The following RSPO3 variants were observed in gnomAD, a reference collection of about 807,000 sequenced individuals.
The protein encoded by RSPO3 is R-spondin 3.
A neutral mutation model predicts 36.5 loss-of-function variants in RSPO3; 17 were observed. The observed-to-expected ratio is 0.47, with a 90% CI of 0.32 to 0.70. The LOEUF (loss-of-function observed/expected upper bound fraction) is 0.70. Ranked by LOEUF, RSPO3 falls within the 30% of genes least tolerant of loss-of-function variation. The pLI is 0.04. For missense variants in RSPO3, 294 were observed against 322.5 expected, an observed-to-expected ratio of 0.91 and a Z score of 0.68; for synonymous variants, 108 against 107.0, an observed-to-expected ratio of 1.01 and a Z score of -0.06.
chr6:127,145,939 T>C (rs1047119183), intron 1 of RSPO3, among the ~76,000 whole-genome samples: 1 of 152,096 alleles, frequency 6.6e-6, no homozygotes, highest in Admixed American at 6.6e-5. Context: ...AAAAGTAAAA[T>C]CTCTTGCCTT....
At chr6:127,181,491 G>A (rs1051231055) in intron 4 of RSPO3, among the ~76,000 whole-genome samples, 2 of 151,726 alleles carry the variant, frequency 1.3e-5, no homozygotes, top group African/African-American at 4.8e-5. Context: ...GTTTGTTAGG[G>A]TTGATTCACA....
At chr6:127,141,620 C>T (rs1371467762) in intron 1 of RSPO3, among the ~76,000 whole-genome samples, 1 of 152,172 alleles carries the variant, frequency 6.6e-6, no homozygotes, top group Non-Finnish European at 1.5e-5. Context: ...ACCAACTGGG[C>T]TGTATTCAGC....
At chr6:127,129,454 A>T (rs1207785060) in intron 1 of RSPO3, among the ~76,000 whole-genome samples, 1 of 152,010 alleles carries the variant, frequency 6.6e-6, no homozygotes, top group Admixed American at 6.6e-5. Context: ...ATGAGTCACT[A>T]GGCCAAATCC....
intron 4 of RSPO3, among the ~76,000 whole-genome samples, chr6:127,169,702 A>T (rs1432089076): frequency 6.6e-6 from 1 of 151,936 alleles, no homozygotes; most frequent in Non-Finnish European, 1.5e-5. Flanking sequence ...AGTGCATTAT[A>T]GTTTCCACTG....
chr6:127,127,553 C>A (rs1329240252), intron 1 of RSPO3, among the ~76,000 whole-genome samples: 1 of 151,954 alleles, frequency 6.6e-6, no homozygotes, highest in African/African-American at 2.4e-5. Context: ...AGTGCCAGAC[C>A]CTTTGCTTGA....
chr6:127,190,486 A>G (rs1241547182), intron 4 of RSPO3, among the ~76,000 whole-genome samples: 2 of 152,156 alleles, frequency 1.3e-5, no homozygotes, highest in African/African-American at 4.8e-5. Context: ...TTCTCTATAC[A>G]TAATAATCAG....
chr6:127,156,120 A>G (rs1774593788), intron 4 of RSPO3, among the ~76,000 whole-genome samples: 2 of 152,146 alleles, frequency 1.3e-5, no homozygotes, highest in Admixed American at 1.3e-4. Flanking sequence ...CATTTTATGA[A>G]TATAGCAAAA....
intron 4 of RSPO3, among the ~76,000 whole-genome samples, chr6:127,155,923 G>A (rs1017661619): frequency 2.0e-5 from 3 of 150,400 alleles, no homozygotes; most frequent in African/African-American, 7.4e-5. Context: ...TAAAATTAAA[G>A]ACAGAATATC....
chr6:127,172,994 T>C (rs963168721), intron 4 of RSPO3, among the ~76,000 whole-genome samples: 3 of 151,840 alleles, frequency 2.0e-5, no homozygotes, highest in Non-Finnish European at 4.4e-5. Flanking sequence ...GATCTTTCCA[T>C]TCTGTCTTTT....
At chr6:127,125,366 A>G (rs1475362931) in intron 1 of RSPO3, among the ~76,000 whole-genome samples, 1 of 152,190 alleles carries the variant, frequency 6.6e-6, no homozygotes, top group Non-Finnish European at 1.5e-5. Context: ...GTATGTTGGG[A>G]GAAGGTAGAC....
At chr6:127,173,441 A>G (rs895941081) in intron 4 of RSPO3, among the ~76,000 whole-genome samples, 3 of 151,920 alleles carry the variant, frequency 2.0e-5, no homozygotes, top group Non-Finnish European at 4.4e-5. Context: ...GCTTAAATAT[A>G]AATCCTAATA....
intron 4 of RSPO3, among the ~76,000 whole-genome samples, chr6:127,184,629 C>T (rs1775254124): frequency 6.6e-6 from 1 of 151,998 alleles, no homozygotes; most frequent in Admixed American, 6.6e-5. Context: ...TTCCTCAGGA[C>T]ATTCTGAAAG....
chr6:127,146,998 C>T (rs1774397388), intron 1 of RSPO3, among the ~76,000 whole-genome samples: 1 of 152,272 alleles, frequency 6.6e-6, no homozygotes, highest in Middle Eastern at 3.4e-3. Flanking sequence ...GTCCCCCAGG[C>T]CCTGTAATGT....
At position 127,197,247 on chromosome 6, in the gene RSPO3, A is replaced by G; in HGVS notation, c.*1240A>G. On this transcript the variant is annotated 3_prime_UTR_variant, in exon 5 of 5. Coordinates refer to ENST00000356698, the MANE Select transcript of RSPO3 (RefSeq NM_032784.5). Reference sequence around the variant, plus strand: ...ACTTATAGCGTATTAGGAGATATTTATTCCATTTTCTTATTTTAATCAACA... The same window carrying G: ...ACTTATAGCGTATTAGGAGATATTTGTTCCATTTTCTTATTTTAATCAACA... The G allele has an allele frequency of 2.8e-6, 2 of 719,204 alleles. No individual in the cohort carries two copies. Among genetic ancestry groups the G allele is most frequent in the Non-Finnish European group, 4.4e-6 (2 of 451,800 alleles). 44.6% of individuals were successfully genotyped at this position (719,204 alleles called of 1,614,324 possible). A position where few individuals can be genotyped will look rare whatever the true frequency, so the allele number is the denominator to read the frequency against.
chr6:127,141,346 T>C (rs940548804), intron 1 of RSPO3, among the ~76,000 whole-genome samples: 1 of 152,194 alleles, frequency 6.6e-6, no homozygotes, highest in African/African-American at 2.4e-5. Context: ...ATTTCATGAA[T>C]TCTACAGCTA....
intron 4 of RSPO3, among the ~76,000 whole-genome samples, chr6:127,159,678 T>C (rs1180268616): frequency 1.4e-5 from 2 of 142,560 alleles, no homozygotes; most frequent in East Asian, 4.3e-4. Context: ...AGATGGGGTC[T>C]CACTCTGTCG....
At chr6:127,163,424 A>T (rs933985039) in intron 4 of RSPO3, among the ~76,000 whole-genome samples, 9 of 152,116 alleles carry the variant, frequency 5.9e-5, no homozygotes. Flanking sequence ...AACTTTGTAG[A>T]TGTCATAGTC....
chr6:127,162,124 C>T (rs530949770), intron 4 of RSPO3, among the ~76,000 whole-genome samples: 169 of 152,236 alleles, frequency 1.1e-3, no homozygotes, highest in Non-Finnish European at 2.0e-3. Context: ...AAGGTGAAGT[C>T]ATTCCTCTTG....
At chr6:127,163,130 T>C (rs1774743447) in intron 4 of RSPO3, among the ~76,000 whole-genome samples, 1 of 152,080 alleles carries the variant, frequency 6.6e-6, no homozygotes, top group South Asian at 2.1e-4. Flanking sequence ...TCAGCATAAA[T>C]TTAAATTCTG....
Sources: gnomAD v4.1 joint callset for allele counts (sites outside exome capture counted in the v4.1 genomes callset) on GRCh38, gnomAD v4.1.1 for gene constraint, MANE v1.5 for transcripts, NCBI Gene and HGNC (gene_info 2026-07-23, HGNC 2026-07-21) for gene names.